ZNF316: variants seen among roughly 807,000 people sequenced by gnomAD.
The protein encoded by ZNF316 is zinc finger protein 316.
A neutral mutation model predicts 75.6 loss-of-function variants in ZNF316; 23 were observed. The ratio of observed to expected loss-of-function variants is 0.30; its 90% CI spans 0.22 to 0.43. ZNF316 has a LOEUF of 0.43. Ranked by LOEUF, ZNF316 falls within the 20% of genes least tolerant of loss-of-function variation. The pLI is 1.00. For missense variants in ZNF316, 1,266 were observed against 1,409.4 expected (o/e 0.90, Z 1.63); for synonymous variants, 827 against 666.2 (o/e 1.24, Z -3.72).
At chr7:6,650,043 C>T (rs753125345) in intron 8 of ZNF316, among the ~76,000 whole-genome samples, 4 of 152,192 alleles carry the variant, frequency 2.6e-5, no homozygotes, top group African/African-American at 9.7e-5. Context: ...TTGGCTGTTT[C>T]CTGAGGTACC....
In ZNF316 at chr7:6,653,079, C is replaced by A. The variant is rs1433642204; in HGVS notation, c.1483C>A (p.Arg495Ser). ...CTGTCCCGACTGCGGCCAGGCCTTC[C>A]GCCTGCGCGCCGACTTCCAGCGCCA... is the stretch of plus-strand genomic sequence containing the variant. ...HCCPDCGQAF[R>S]LRADFQRHRR... Residue 495 changes from arginine to serine, a missense_variant, in exon 9 of 9, where the codon CGC becomes AGC. By Grantham distance (110) the Arg-to-Ser change is moderately radical. Around this residue, in one of 3 missense-constraint regions of ZNF316, gnomAD observed 961 missense variants for 990.9 expected, o/e 0.97. Transcript: ENST00000382252. The A allele has an allele frequency of 1.7e-6, 2 of 1,200,806 alleles. No homozygotes were observed. Among genetic ancestry groups the A allele is most frequent in the Non-Finnish European group, 2.1e-6 (2 of 968,944 alleles). 74.4% of individuals were successfully genotyped at this position (1,200,806 alleles called of 1,614,324 possible). A position where few individuals can be genotyped will look rare whatever the true frequency, so the allele number is the denominator to read the frequency against.
At position 6,642,718 on chromosome 7, in the gene ZNF316, A is replaced by T. The variant is rs1779332598; in HGVS notation, c.309A>T (p.Arg103=). ...GTCCGGCGTTGGGGACCCAGGAGCG[A>T]CTTAGCCGTGGTGGTGATGCCAAGT... ...EECPALGTQE[R]LSRGGDAKSP... The change falls in exon 5 of 9, where the codon CGA becomes CGT. Residue 103 remains arginine (R), a synonymous_variant. Transcript: ENST00000382252. The surrounding 1 kb of genome is among the most constrained non-coding windows in gnomAD (Gnocchi z 8.1). 4.1e-6 allele frequency: 5 copies of T among 1,233,888 alleles called. No individual in the cohort carries two copies. The South Asian group carries it at 1.6e-4, about 40-fold the overall frequency. The allele number at this position is 1,233,888 out of a possible 1,614,324, so 76.4% of individuals were successfully genotyped here.
At chr7:6,649,933 C>T (rs148085461) in intron 8 of ZNF316, among the ~76,000 whole-genome samples, 112 of 152,298 alleles carry the variant, frequency 7.4e-4, no homozygotes, top group African/African-American at 2.6e-3. Context: ...TGGGAGGAGC[C>T]TCCCAGCTCT....
rs910347624 is a variant in ZNF316 at position 6,642,397 on chromosome 7, G to C, written c.-13G>C. On this transcript the variant is annotated 5_prime_UTR_variant, in exon 5 of 9. Coordinates refer to ENST00000382252, the MANE Select transcript of ZNF316 (RefSeq NM_001278559.2). The surrounding 1 kb of genome is among the most constrained non-coding windows in gnomAD (Gnocchi z 8.1). ...TGCATTTCAGGCCACGTGGAGGCTCGCTCCCAGGGAGGATGGCGGCGCTCC... is the reference window on the plus strand; with the variant it reads ...TGCATTTCAGGCCACGTGGAGGCTCCCTCCCAGGGAGGATGGCGGCGCTCC... The C allele has an allele frequency of 4.9e-6, 6 of 1,231,798 alleles. No individual in the cohort carries two copies. Among genetic ancestry groups the C allele is most frequent in the Non-Finnish European group, 6.1e-6 (6 of 987,838 alleles). The allele number at this position is 1,231,798 out of a possible 1,614,324, so 76.3% of individuals were successfully genotyped here.
At chr7:6,651,724 C>T (rs1779510620) in intron 8 of ZNF316, among the ~76,000 whole-genome samples, 1 of 151,748 alleles carries the variant, frequency 6.6e-6, no homozygotes, top group South Asian at 2.1e-4. Context: ...GATCGAGCCA[C>T]TGCACTCCAG....
intron 8 of ZNF316, among the ~76,000 whole-genome samples, chr7:6,646,464 C>T (rs1779405183): frequency 6.6e-6 from 1 of 152,194 alleles, no homozygotes. Context: ...AGGCTTGAGC[C>T]TGAGTGGTTC....
intron 8 of ZNF316, among the ~76,000 whole-genome samples, chr7:6,647,278 G>A (rs1779423124): frequency 6.6e-6 from 1 of 152,134 alleles, no homozygotes; most frequent in African/African-American, 2.4e-5. Flanking sequence ...TGGCAGCCTG[G>A]CCAAGGCCAT....
chr7:6,638,358 G>C (rs994900310), intron 2 of ZNF316, among the ~76,000 whole-genome samples: 2 of 152,146 alleles, frequency 1.3e-5, no homozygotes, highest in Non-Finnish European at 2.9e-5. Flanking sequence ...GGGGAAGGAA[G>C]TCCTTCAGGA....
chr7:6,646,262 C>G (rs922312493), intron 8 of ZNF316, among the ~76,000 whole-genome samples: 2 of 152,140 alleles, frequency 1.3e-5, no homozygotes, highest in African/African-American at 2.4e-5. Context: ...TTGGAATATT[C>G]CCCAGGTTTC....
rs998555386 is a variant in ZNF316, at chr7:6,653,617, G to C, written c.2021G>C (p.Gly674Ala). 3.8e-6 allele frequency: 4 copies of C among 1,061,976 alleles called. No individual in the cohort carries two copies. Among genetic ancestry groups the C allele is most frequent in the Non-Finnish European group, 4.6e-6 (4 of 878,200 alleles). The allele number at this position is 1,061,976 out of a possible 1,614,324, so 65.8% of individuals were successfully genotyped here. A position where few individuals can be genotyped will look rare whatever the true frequency, so the allele number is the denominator to read the frequency against. Residue 674 changes from glycine (G) to alanine (A), a missense_variant, in exon 9 of 9, where the codon GGT becomes GCT. This residue lies in a region of ZNF316 where 961 missense variants were observed against 990.9 expected (regional missense o/e 0.97). Coordinates refer to ENST00000382252, the MANE Select transcript of ZNF316 (RefSeq NM_001278559.2). ...GLRAFGPAIG[G>A]LLAEPAPAAL... ...CGCGCGTTCGGGCCCGCCATCGGGG[G>C]TCTGCTGGCGGAGCCCGCGCCGGCC...
rs1779590832 is a variant in ZNF316, at chr7:6,654,852, C to G, written c.*241C>G. 3 of 282,056 alleles carry G rather than the reference C, an allele frequency of 1.1e-5. No homozygotes were observed. The highest frequency in any genetic ancestry group is 3.3e-4 in the South Asian group (2 of 6,032). 17.5% of individuals were successfully genotyped at this position (282,056 alleles called of 1,614,324 possible). Reference sequence around the variant, plus strand: ...GAGGCAGCGAGGCCAGGACGTCACCCCCACGGAGACTGCGATATCCCCTGG... The same window carrying G: ...GAGGCAGCGAGGCCAGGACGTCACCGCCACGGAGACTGCGATATCCCCTGG... On this transcript the variant is annotated 3_prime_UTR_variant, in exon 9 of 9. Coordinates refer to ENST00000382252, the MANE Select transcript of ZNF316 (RefSeq NM_001278559.2).
At position 6,640,930 on chromosome 7, in the gene ZNF316, G is replaced by A. The variant is rs185904332; in HGVS notation, c.-166-895G>A. ...GCCCTCCCCAGAAACAGATGCCGGCGCCATGTTGGTGCAGCCTGTTGAACT... is the reference window on the plus strand; with the variant it reads ...GCCCTCCCCAGAAACAGATGCCGGCACCATGTTGGTGCAGCCTGTTGAACT... On this transcript the variant is annotated intron_variant, in intron 3 of 8. Transcript: ENST00000382252. The surrounding 1 kb of genome is among the most constrained non-coding windows in gnomAD (Gnocchi z 5.1). Among the ~76,000 whole-genome samples the A allele has an allele frequency of 6.6e-6, 1 of 152,334 alleles. No homozygotes were observed. The highest frequency in any genetic ancestry group is 1.9e-4 in the East Asian group (1 of 5,184).
chr7:6,645,795 A>G (rs1779390513), intron 8 of ZNF316, among the ~76,000 whole-genome samples: 1 of 150,862 alleles, frequency 6.6e-6, no homozygotes, highest in Admixed American at 6.6e-5. Context: ...GGAGTTCAAG[A>G]CCAGTCTAGG....
In ZNF316 at chr7:6,658,239, A is replaced by G. The variant is rs374175714; in HGVS notation, c.*3628A>G. 1.3e-5 allele frequency among the ~76,000 whole-genome samples: 2 copies of G among 151,670 alleles called. No homozygotes were observed. The highest frequency in any genetic ancestry group is 4.8e-5 in the African/African-American group (2 of 41,270). ...CTACATATGGAATAAAGTATTTTGAATTACTGGGTTATATCTATTAAATAA... is the reference window on the plus strand; with the variant it reads ...CTACATATGGAATAAAGTATTTTGAGTTACTGGGTTATATCTATTAAATAA... On this transcript the variant is annotated 3_prime_UTR_variant, in exon 9 of 9. Transcript: ENST00000382252.
Position 6,642,873 on chromosome 7 carries a change from A to G in ZNF316, c.356-91A>G. 8.1e-7 allele frequency: 1 copy of G among 1,232,050 alleles called. No individual in the cohort carries two copies. The highest frequency in any genetic ancestry group is 1.0e-6 in the Non-Finnish European group (1 of 988,032). The allele number at this position is 1,232,050 out of a possible 1,614,324, so 76.3% of individuals were successfully genotyped here. On this transcript the variant is annotated intron_variant, in intron 5 of 8. Coordinates refer to ENST00000382252, the MANE Select transcript of ZNF316 (RefSeq NM_001278559.2). This position sits in a 1 kb window ranked among gnomAD's most constrained non-coding sequence, Gnocchi z 8.1. ...CTTGGGCCGACAGGGTGGAGCTGAA[A>G]CCCAGCTTTGCAATGAGGGTGTTGC...
At position 6,637,947 on chromosome 7, in the gene ZNF316, G is replaced by T. The variant is rs1183177184; in HGVS notation, c.-329G>T. The stretch of plus-strand genomic sequence containing the variant: ...TTTGTGACCTTGGGGGCCTTATCCG[G>T]GCTTTCCCTCATCTGCAGAAGGAGC... On this transcript the variant is annotated 5_prime_UTR_variant, in exon 2 of 9. Coordinates refer to ENST00000382252, the MANE Select transcript of ZNF316 (RefSeq NM_001278559.2). The surrounding 1 kb of genome is among the most constrained non-coding windows in gnomAD (Gnocchi z 6.2). 1 of 152,222 alleles carries T rather than the reference G, an allele frequency of 6.6e-6. No homozygotes were observed. Among genetic ancestry groups the T allele is most frequent in the Non-Finnish European group, 1.5e-5 (1 of 68,050 alleles). 9.4% of individuals were successfully genotyped at this position (152,222 alleles called of 1,614,324 possible).
chr7:6,645,823 A>G (rs372339671), intron 8 of ZNF316, among the ~76,000 whole-genome samples: 2 of 150,448 alleles, frequency 1.3e-5, no homozygotes, highest in African/African-American at 2.5e-5. Context: ...GTGAAACCCC[A>G]TCTCTACTAA....
chr7:6,654,348 G>A lies in ZNF316; in HGVS notation c.2752G>A (p.Ala918Thr), dbSNP rs1779575933. ...THTGERPYAC[A>T]NCGRRFSQSS... Reference sequence around the variant, plus strand: ...TACGGGCGAGCGGCCCTACGCCTGCGCCAACTGCGGCCGCCGCTTCTCGCA... The same window carrying A: ...TACGGGCGAGCGGCCCTACGCCTGCACCAACTGCGGCCGCCGCTTCTCGCA... Residue 918 changes from alanine to threonine, a missense_variant, in exon 9 of 9, where the codon GCC (alanine) becomes ACC (threonine). Coordinates refer to ENST00000382252, the MANE Select transcript of ZNF316 (RefSeq NM_001278559.2). The A allele has an allele frequency of 8.2e-7, 1 of 1,220,910 alleles. No individual in the cohort carries two copies. The highest frequency in any genetic ancestry group is 1.0e-6 in the Non-Finnish European group (1 of 980,758). 75.6% of individuals were successfully genotyped at this position (1,220,910 alleles called of 1,614,324 possible).
rs1236566653 is a variant in ZNF316 at position 6,657,887 on chromosome 7, T to C, written c.*3276T>C. Among the ~76,000 whole-genome samples the C allele has an allele frequency of 7.0e-6, 1 of 142,164 alleles. No individual in the cohort carries two copies. The highest frequency in any genetic ancestry group is 1.5e-5 in the Non-Finnish European group (1 of 65,404). The allele number at this position is 142,164 out of a possible 152,430, so 93.3% of individuals were successfully genotyped here. A position where few individuals can be genotyped will look rare whatever the true frequency, so the allele number is the denominator to read the frequency against. Reference sequence around the variant, plus strand: ...CCCCGATAGAACTTATAGTTGACTGTCCAGCCAAATACTTAAAAAAAAAGT... The same window carrying C: ...CCCCGATAGAACTTATAGTTGACTGCCCAGCCAAATACTTAAAAAAAAAGT... On this transcript the variant is annotated 3_prime_UTR_variant, in exon 9 of 9. Transcript: ENST00000382252.
Sources: allele counts gnomAD v4.1 joint callset (sites outside exome capture counted in the v4.1 genomes callset), GRCh38; gene constraint gnomAD v4.1.1; regional missense constraint gnomAD v4.1.1; non-coding constraint Gnocchi (gnomAD v3.1); transcripts MANE v1.5; gene names NCBI Gene and HGNC (gene_info 2026-07-23, HGNC 2026-07-21).